NAPB: variants seen among roughly 807,000 people sequenced by gnomAD.
The protein encoded by NAPB is NSF attachment protein beta, also known as beta-soluble NSF attachment protein.
In NAPB, 26 loss-of-function variants were observed where a neutral mutation model predicts 44.7. That is an observed-to-expected ratio of 0.58 (90% CI 0.43 to 0.81). The LOEUF is 0.81. Ranked by LOEUF, NAPB falls within the 30% of genes least tolerant of loss-of-function variation. NAPB has a pLI of 0.00. For missense variants in NAPB, 315 were observed against 356.4 expected, an observed-to-expected ratio of 0.88 and a Z score of 0.94; for synonymous variants, 120 against 116.8, an observed-to-expected ratio of 1.03 and a Z score of -0.18.
chr20:23,390,035 A>T lies in NAPB; in HGVS notation c.477-5T>A. ...AGCAGACACTTGTTTGCTGAGCTGAAATCAAGAACCAAAGCAGAGTGAGTA... is the reference window on the plus strand; with the variant it reads ...AGCAGACACTTGTTTGCTGAGCTGATATCAAGAACCAAAGCAGAGTGAGTA... On this transcript the variant is annotated splice_region_variant and splice_polypyrimidine_tract_variant and intron_variant, in intron 6 of 10. Coordinates refer to ENST00000377026, the MANE Select transcript of NAPB (RefSeq NM_022080.3). 1 of 1,613,902 alleles carries T rather than the reference A, an allele frequency of 6.2e-7. No homozygotes were observed. Among genetic ancestry groups the T allele is most frequent in the Non-Finnish European group, 8.5e-7 (1 of 1,179,892 alleles).
At chr20:23,419,429 G>A (rs1986237063) in intron 1 of NAPB, among the ~76,000 whole-genome samples, 1 of 152,206 alleles carries the variant, frequency 6.6e-6, no homozygotes, top group Admixed American at 6.5e-5. Flanking sequence ...ATTTGGCCTA[G>A]TTTCCTAAAA....
chr20:23,392,317 T>C (rs988015256), intron 5 of NAPB, among the ~76,000 whole-genome samples: 1 of 152,176 alleles, frequency 6.6e-6, no homozygotes, highest in Non-Finnish European at 1.5e-5. Context: ...GACTAAGTAT[T>C]TGCAAAAAGA....
chr20:23,402,268 G>T (rs1290658642), intron 2 of NAPB, among the ~76,000 whole-genome samples: 1 of 152,112 alleles, frequency 6.6e-6, no homozygotes. Flanking sequence ...CACGTCCCCT[G>T]CTCTGGTCAA....
At chr20:23,400,376 C>T (rs1336323311) in intron 2 of NAPB, among the ~76,000 whole-genome samples, 4 of 152,108 alleles carry the variant, frequency 2.6e-5, no homozygotes, top group South Asian at 2.1e-4. Context: ...ATTAGCTGGG[C>T]GTGGTGGCAC....
chr20:23,398,422 T>G (rs1984539334), intron 2 of NAPB, among the ~76,000 whole-genome samples: 1 of 152,150 alleles, frequency 6.6e-6, no homozygotes, highest in East Asian at 1.9e-4. Context: ...CAGGCTGCAG[T>G]GCAGTGGCGT....
Position 23,421,433 on chromosome 20 carries a change from A to C in NAPB, c.-31T>G. ...CCGCCGCGGCCGCCACAGCCCCCTC[A>C]GCCGGCTCGCTGTGCGCCCAGGCGC... On this transcript the variant is annotated 5_prime_UTR_variant, in exon 1 of 11. Coordinates refer to ENST00000377026, the MANE Select transcript of NAPB (RefSeq NM_022080.3). 6.5e-7 allele frequency: 1 copy of C among 1,534,644 alleles called. No individual in the cohort carries two copies. The highest frequency in any genetic ancestry group is 8.8e-7 in the Non-Finnish European group (1 of 1,139,058).
intron 1 of NAPB, among the ~76,000 whole-genome samples, chr20:23,420,530 C>T (rs1391279769): frequency 6.6e-6 from 1 of 152,046 alleles, no homozygotes; most frequent in Non-Finnish European, 1.5e-5. Flanking sequence ...CCCAGGTGCG[C>T]GTTCCAGGCG....
At chr20:23,401,439 A>G (rs2424538) in intron 2 of NAPB, among the ~76,000 whole-genome samples, 56,715 of 151,954 alleles carry the variant, frequency 0.37, 10,933 homozygotes, top group East Asian at 0.63. Flanking sequence ...CAGCAGTATG[A>G]CAATGTCAGG....
intron 1 of NAPB, among the ~76,000 whole-genome samples, chr20:23,418,781 CA>C (rs921452946): frequency 4.0e-3 from 480 of 120,370 alleles, no homozygotes; most frequent in Middle Eastern, 4.6e-3. Context: ...ACTAAAAATA[CA>C]AAAAAAAAAA....
Position 23,395,143 on chromosome 20 carries a change from T to G in NAPB, c.338A>C (p.Asp113Ala), listed in dbSNP as rs1175392298. Residue 113 changes from aspartate to alanine, a missense_variant, in exon 4 of 11, where the codon GAC (aspartate) becomes GCC (alanine). This residue lies in a region of NAPB where 179 missense variants were observed against 182.5 expected (regional missense o/e 0.98). Coordinates refer to ENST00000377026, the MANE Select transcript of NAPB (RefSeq NM_022080.3). ...TCAAGCAATGCAATGTCTTACCATG[T>G]CTGTGTAAATGTCGATGGCTGCATT... is the stretch of plus-strand genomic sequence containing the variant. Reference protein sequence around the residue: ...CLNAAIDIYTDMGRFTIAAKH... With the variant: ...CLNAAIDIYTAMGRFTIAAKH... 13 of 1,614,212 alleles carry G rather than the reference T, an allele frequency of 8.1e-6. No individual in the cohort carries two copies. The highest frequency in any genetic ancestry group is 1.1e-5 in the Non-Finnish European group (13 of 1,180,024).
chr20:23,409,909 G>T (rs1417091149), intron 1 of NAPB, among the ~76,000 whole-genome samples: 1 of 152,216 alleles, frequency 6.6e-6, no homozygotes, highest in East Asian at 1.9e-4. Context: ...GGAGAGGGGA[G>T]TTTAACCTGG....
At chr20:23,391,197 G>A (rs1198255238) in intron 5 of NAPB, among the ~76,000 whole-genome samples, 1 of 152,132 alleles carries the variant, frequency 6.6e-6, no homozygotes, top group Non-Finnish European at 1.5e-5. Flanking sequence ...CGTAATCCCA[G>A]CTACTTGGGA....
At chr20:23,407,741 A>G (rs1284976755) in intron 1 of NAPB, among the ~76,000 whole-genome samples, 1 of 152,222 alleles carries the variant, frequency 6.6e-6, no homozygotes, top group Non-Finnish European at 1.5e-5. Context: ...GGGTCTGAGA[A>G]AAAGCCTATC....
intron 1 of NAPB, among the ~76,000 whole-genome samples, chr20:23,414,650 G>T (rs1985881520): frequency 6.6e-6 from 1 of 152,164 alleles, no homozygotes; most frequent in Non-Finnish European, 1.5e-5. Flanking sequence ...CTTAAATACA[G>T]AAATAGTTAA....
intron 6 of NAPB, 74 bp downstream of exon 6, chr20:23,390,135 C>T: frequency 6.6e-7 from 1 of 1,520,164 alleles, no homozygotes; most frequent in Admixed American, 1.7e-5. Flanking sequence ...AATACACTCA[C>T]AAAGTATAAA....
intron 1 of NAPB, among the ~76,000 whole-genome samples, chr20:23,407,680 C>T (rs1985347884): frequency 6.6e-6 from 1 of 152,098 alleles, no homozygotes; most frequent in South Asian, 2.1e-4. Flanking sequence ...ACTTCTTGCC[C>T]ACAAGGAGGT....
chr20:23,420,373 G>T (rs1322043375), intron 1 of NAPB, among the ~76,000 whole-genome samples: 2 of 152,186 alleles, frequency 1.3e-5, no homozygotes, highest in African/African-American at 4.8e-5. Context: ...ATACTATGCT[G>T]AGAAAATATA....
Position 23,395,007 on chromosome 20 carries a change from A to C in NAPB, c.343-8T>G. On this transcript the variant is annotated splice_polypyrimidine_tract_variant and splice_region_variant and intron_variant, in intron 4 of 10. Coordinates refer to ENST00000377026, the MANE Select transcript of NAPB (RefSeq NM_022080.3). The stretch of plus-strand genomic sequence containing the variant: ...TGCAATTGTAAACCTTCCCTAGGGG[A>C]AAAAACAAGAAACAGTCACACACCG... The C allele has an allele frequency of 6.2e-7, 1 of 1,614,044 alleles. No individual in the cohort carries two copies. The highest frequency in any genetic ancestry group is 8.5e-7 in the Non-Finnish European group (1 of 1,179,882).
At chr20:23,405,842 T>C (rs945083069) in intron 1 of NAPB, among the ~76,000 whole-genome samples, 10 of 152,116 alleles carry the variant, frequency 6.6e-5, no homozygotes, top group East Asian at 1.9e-4. Context: ...GCAGTCACAG[T>C]GAGATTCCAT....
Sources: gnomAD v4.1 joint callset for allele counts (sites outside exome capture counted in the v4.1 genomes callset) on GRCh38, gnomAD v4.1.1 for gene constraint, gnomAD v4.1.1 regional missense constraint, MANE v1.5 for transcripts, NCBI Gene and HGNC (gene_info 2026-07-23, HGNC 2026-07-21) for gene names.